DLG1: variants seen among roughly 807,000 people sequenced by gnomAD.
DLG1 encodes discs large MAGUK scaffold protein 1.
Under a neutral mutation model 123.4 loss-of-function variants are expected in DLG1, and 42 were observed. The observed-to-expected ratio is 0.34, with a 90% CI of 0.27 to 0.44. The LOEUF (loss-of-function observed/expected upper bound fraction) is 0.44, where lower values mean the gene tolerates loss of function less well. DLG1 is among the 20% of genes least tolerant of loss of function. The pLI is 1.00. For missense variants in DLG1, 942 were observed against 1,082.6 expected (o/e 0.87, Z 1.82); for synonymous variants, 317 against 356.2 (o/e 0.89, Z 1.24).
chr3:197,202,927 C>T (rs945433461), intron 4 of DLG1, among the ~76,000 whole-genome samples: 2 of 152,056 alleles, frequency 1.3e-5, no homozygotes, highest in Admixed American at 6.5e-5. Flanking sequence ...TTAGATTTGT[C>T]TTAACAGTGA....
rs181330169 is a variant in DLG1, at chr3:197,086,873, A to G, written c.1662-1117T>C. Among the ~76,000 whole-genome samples the G allele has an allele frequency of 9.8e-5, 15 of 152,318 alleles. No individual in the cohort carries two copies. The East Asian group carries it at 1.7e-3, about 18-fold the overall frequency. Reference sequence around the variant, plus strand: ...GAAAAGGAAAATACTAACTTCTTACATTATTATAAAAATTCATCTTTTGAA... The same window carrying G: ...GAAAAGGAAAATACTAACTTCTTACGTTATTATAAAAATTCATCTTTTGAA... On this transcript the variant is annotated intron_variant, in intron 15 of 24. Coordinates refer to ENST00000667157, the MANE Select transcript of DLG1 (RefSeq NM_001366207.1).
At chr3:197,049,133 ACCC>A (rs1261180945) in intron 24 of DLG1, among the ~76,000 whole-genome samples, 10 of 1,172 alleles carry the variant, frequency 8.5e-3, no homozygotes, top group African/African-American at 0.04. Context: ...AGCACGGCCA[ACCC>A]TGTAACCCTG....
At chr3:197,051,547 T>C in intron 24 of DLG1, 30 bp downstream of exon 24, 1 of 1,586,518 alleles carries the variant, frequency 6.3e-7, no homozygotes. Flanking sequence ...AATTCTATCT[T>C]AAAGAGGACT....
intron 14 of DLG1, among the ~76,000 whole-genome samples, chr3:197,101,608 C>G (rs942279049): frequency 2.0e-5 from 3 of 152,060 alleles, no homozygotes; most frequent in Admixed American, 6.5e-5. Flanking sequence ...CCAGAATGGT[C>G]TCTATCTCCT....
chr3:197,200,481 G>A (rs1347515614), intron 4 of DLG1, among the ~76,000 whole-genome samples: 1 of 152,088 alleles, frequency 6.6e-6, no homozygotes, highest in Non-Finnish European at 1.5e-5. Context: ...AGGAATGGAG[G>A]CCAGTATTAC....
At chr3:197,100,175 T>C (rs1419707821) in intron 14 of DLG1, among the ~76,000 whole-genome samples, 1 of 152,198 alleles carries the variant, frequency 6.6e-6, no homozygotes, top group Non-Finnish European at 1.5e-5. Flanking sequence ...AAATGACAAA[T>C]GTCTGCAAAT....
intron 5 of DLG1, chr3:197,161,827 T>C (rs894224487): frequency 1.0e-5 from 8 of 782,544 alleles, no homozygotes; most frequent in African/African-American, 1.8e-5. Context: ...AGATAAATTA[T>C]AGTTTTCAGA....
chr3:197,161,449 C>T (rs1343665339), intron 5 of DLG1, among the ~76,000 whole-genome samples: 2 of 152,084 alleles, frequency 1.3e-5, no homozygotes, highest in African/African-American at 4.8e-5. Flanking sequence ...TCACAGACAA[C>T]CTAATAAAAT....
intron 15 of DLG1, among the ~76,000 whole-genome samples, chr3:197,088,535 T>C (rs1445902037): frequency 5.9e-5 from 9 of 152,136 alleles, no homozygotes; most frequent in Admixed American, 4.6e-4. Context: ...GGAAGATTAA[T>C]TGAGAAAGAA....
chr3:197,265,106 T>G (rs1395837055), intron 4 of DLG1, among the ~76,000 whole-genome samples: 1 of 152,206 alleles, frequency 6.6e-6, no homozygotes, highest in Non-Finnish European at 1.5e-5. Flanking sequence ...CAACTGGCAC[T>G]GAGTAAGGTA....
At chr3:197,229,557 C>A (rs1741781488) in intron 4 of DLG1, among the ~76,000 whole-genome samples, 1 of 151,620 alleles carries the variant, frequency 6.6e-6, no homozygotes, top group Non-Finnish European at 1.5e-5. Flanking sequence ...CAGATAACCA[C>A]AAAGATTAAA....
chr3:197,138,882 G>A (rs1356847182), intron 8 of DLG1, among the ~76,000 whole-genome samples: 1 of 152,126 alleles, frequency 6.6e-6, no homozygotes, highest in Non-Finnish European at 1.5e-5. Context: ...GATAATAAGT[G>A]ACAGAGCTGT....
intron 5 of DLG1, among the ~76,000 whole-genome samples, chr3:197,163,155 T>C (rs752967755): frequency 3.9e-5 from 6 of 152,174 alleles, no homozygotes; most frequent in Non-Finnish European, 8.8e-5. Flanking sequence ...GAGAGATTAC[T>C]TCACCACTAC....
At chr3:197,229,795 A>G (rs1248706948) in intron 4 of DLG1, among the ~76,000 whole-genome samples, 1 of 152,238 alleles carries the variant, frequency 6.6e-6, no homozygotes, top group Non-Finnish European at 1.5e-5. Context: ...TAATCGCCTT[A>G]CTTAATCCAA....
At chr3:197,091,183 C>CA (rs910982833) in intron 14 of DLG1, among the ~76,000 whole-genome samples, 157 bp from the exon 15 acceptor site, 5 of 150,448 alleles carry the variant, frequency 3.3e-5, no homozygotes, top group South Asian at 4.2e-4. Flanking sequence ...ACATAAATTT[C>CA]AAAAAAAAAT....
intron 5 of DLG1, among the ~76,000 whole-genome samples, chr3:197,192,421 G>A (rs781440853): frequency 2.6e-5 from 4 of 151,578 alleles, no homozygotes; most frequent in East Asian, 3.9e-4. Context: ...AGTGACTTGA[G>A]AAACTAGAAA....
rs547772315 is a variant in DLG1 at position 197,250,256 on chromosome 3, A to C, written c.318+32423T>G. ...AAAATCAATAGCATTATATATACCAACAGTGAACAATCTGAAAAGAAATTT... is the reference window on the plus strand; with the variant it reads ...AAAATCAATAGCATTATATATACCACCAGTGAACAATCTGAAAAGAAATTT... On this transcript the variant is annotated intron_variant, in intron 4 of 24. Coordinates refer to ENST00000667157, the MANE Select transcript of DLG1 (RefSeq NM_001366207.1). Among the ~76,000 whole-genome samples, 21 of 152,340 alleles carry C rather than the reference A, an allele frequency of 1.4e-4. No homozygotes were observed. The East Asian group carries it at 3.9e-3, about 28-fold the overall frequency.
intron 4 of DLG1, among the ~76,000 whole-genome samples, chr3:197,281,285 C>T (rs902862639): frequency 4.6e-5 from 7 of 152,082 alleles, no homozygotes; most frequent in South Asian, 2.1e-4. Context: ...GCAATCCACC[C>T]GCCTTGGCCT....
In DLG1 at chr3:197,070,108, A is replaced by G. The variant is rs191394605; in HGVS notation, c.2006-848T>C. 117 of 152,290 alleles carry G rather than the reference A, an allele frequency of 7.7e-4. 1 individual carries two copies. Among genetic ancestry groups the G allele is most frequent in the Middle Eastern group, 3.4e-3 (1 of 294 alleles). 9.4% of individuals were successfully genotyped at this position (152,290 alleles called of 1,614,324 possible). On this transcript the variant is annotated intron_variant, in intron 18 of 24. Coordinates refer to ENST00000667157, the MANE Select transcript of DLG1 (RefSeq NM_001366207.1). ...AAAACCATAGGCACTCTTCTCATCC[A>G]TGTAAATGTCATCTCAAGTTTTCTC...
Sources: allele counts gnomAD v4.1 joint callset (sites outside exome capture counted in the v4.1 genomes callset), GRCh38; gene constraint gnomAD v4.1.1; transcripts MANE v1.5; gene names NCBI Gene and HGNC (gene_info 2026-07-23, HGNC 2026-07-21).